Variants in NBEA observed in about 807,000 individuals in gnomAD.
NBEA encodes neurobeachin, also known as lysosomal-trafficking regulator 2.
NBEA carries 44 observed loss-of-function variants against 343.4 expected under a neutral mutation model. That is an observed-to-expected ratio of 0.13 (90% CI 0.10 to 0.16). NBEA has a LOEUF of 0.16. Ranked by LOEUF, NBEA falls within the 10% of genes least tolerant of loss-of-function variation. The pLI, the probability that NBEA is intolerant of heterozygous loss-of-function variation, is 1.00. For synonymous variants in NBEA, 1,175 were observed against 1,238.7 expected, an observed-to-expected ratio of 0.95 and a Z score of 1.08; for missense variants, 2,555 against 3,631.3, an observed-to-expected ratio of 0.70 and a Z score of 7.62.
chr13:35,220,794 C>T (rs976621482), intron 33 of NBEA, among the ~76,000 whole-genome samples: 3 of 152,158 alleles, frequency 2.0e-5, no homozygotes, highest in South Asian at 2.1e-4. Flanking sequence ...TAGCCATTAC[C>T]TCTTCAGGTA....
chr13:35,112,492 G>C lies in NBEA; in HGVS notation c.2002+1514G>C, dbSNP rs554681865. ...AGGAAACTGGAAGTTGGTACAAACC[G>C]AACAGCACCAAAATTTGAATCATAT... On this transcript the variant is annotated intron_variant, in intron 13 of 58. Coordinates refer to ENST00000379939, the MANE Select transcript of NBEA (RefSeq NM_001385012.1). Among the ~76,000 whole-genome samples, 8 of 152,118 alleles carry C rather than the reference G, an allele frequency of 5.3e-5. No individual in the cohort carries two copies. The East Asian group carries it at 1.5e-3, about 29-fold the overall frequency.
chr13:35,019,441 G>A (rs931065810), intron 1 of NBEA, among the ~76,000 whole-genome samples: 22 of 151,928 alleles, frequency 1.4e-4, no homozygotes, highest in Non-Finnish European at 2.9e-5. Context: ...GGGATTATAG[G>A]CGGACACCAC....
At chr13:35,289,999 A>G (rs971375239) in intron 34 of NBEA, among the ~76,000 whole-genome samples, 2 of 151,828 alleles carry the variant, frequency 1.3e-5, no homozygotes, top group Non-Finnish European at 2.9e-5. Context: ...TGCTCCAAGG[A>G]AACAACCATA....
intron 38 of NBEA, among the ~76,000 whole-genome samples, chr13:35,398,637 T>A (rs73502746): frequency 0.029 from 4,489 of 152,186 alleles, 187 homozygotes; most frequent in African/African-American, 0.086. Flanking sequence ...AAATCTTTTT[T>A]TCTGAGTAGT....
chr13:35,328,633 A>G (rs1000328284), intron 36 of NBEA, among the ~76,000 whole-genome samples: 1 of 151,964 alleles, frequency 6.6e-6, no homozygotes, highest in African/African-American at 2.4e-5. Flanking sequence ...TACCAACTAT[A>G]TACCCACAAA....
intron 39 of NBEA, among the ~76,000 whole-genome samples, chr13:35,448,888 G>A (rs1417648530): frequency 6.6e-6 from 1 of 152,178 alleles, no homozygotes; most frequent in Non-Finnish European, 1.5e-5. Flanking sequence ...CCTATACAGT[G>A]CAGTTGAATT....
chr13:35,341,764 C>T (rs2152857104), intron 36 of NBEA, among the ~76,000 whole-genome samples: 1 of 152,144 alleles, frequency 6.6e-6, no homozygotes, highest in Non-Finnish European at 1.5e-5. Context: ...GGAACCCTCA[C>T]ACTTTGTTGG....
chr13:35,599,158 C>G (rs2081939751), intron 47 of NBEA, among the ~76,000 whole-genome samples: 1 of 152,150 alleles, frequency 6.6e-6, no homozygotes, highest in Non-Finnish European at 1.5e-5. Context: ...TGCTGATCTT[C>G]CAGACCCCAC....
At chr13:35,018,764 G>A (rs1280927688) in intron 1 of NBEA, among the ~76,000 whole-genome samples, 1 of 152,088 alleles carries the variant, frequency 6.6e-6, no homozygotes, top group Non-Finnish European at 1.5e-5. Flanking sequence ...ATTTGGTTGA[G>A]CATCCATGAT....
chr13:35,478,527 T>G (rs2075982672), intron 41 of NBEA, among the ~76,000 whole-genome samples: 1 of 152,212 alleles, frequency 6.6e-6, no homozygotes, highest in South Asian at 2.1e-4. Flanking sequence ...GCCGCCTCTC[T>G]CTCGCTGCTC....
intron 31 of NBEA, among the ~76,000 whole-genome samples, chr13:35,199,471 G>C (rs1196632221): frequency 6.6e-6 from 1 of 152,020 alleles, no homozygotes; most frequent in Non-Finnish European, 1.5e-5. Flanking sequence ...AAACTCAGTT[G>C]GTCGCTTCTT....
intron 38 of NBEA, among the ~76,000 whole-genome samples, chr13:35,358,250 C>T (rs568625269): frequency 6.6e-6 from 1 of 150,532 alleles, no homozygotes; most frequent in African/African-American, 2.4e-5. Context: ...TCTTGAACTC[C>T]CGACCTCAAG....
chr13:35,126,123 G>T (rs892889537), intron 17 of NBEA, among the ~76,000 whole-genome samples: 1 of 152,184 alleles, frequency 6.6e-6, no homozygotes, highest in East Asian at 1.9e-4. Context: ...GGATCATGGG[G>T]GCAGTTCCCC....
At chr13:35,422,719 G>A (rs1051822901) in intron 38 of NBEA, among the ~76,000 whole-genome samples, 4 of 152,264 alleles carry the variant, frequency 2.6e-5, no homozygotes, top group Admixed American at 6.5e-5. Context: ...CTGAGGAATC[G>A]CCACACTGTC....
At chr13:35,553,692 T>TA (rs2079451188) in intron 43 of NBEA, among the ~76,000 whole-genome samples, 1 of 152,178 alleles carries the variant, frequency 6.6e-6, no homozygotes, top group African/African-American at 2.4e-5. Flanking sequence ...ATACTCATGT[T>TA]AATAATCCAT....
intron 10 of NBEA, among the ~76,000 whole-genome samples, chr13:35,092,301 G>A (rs941884215): frequency 6.6e-6 from 1 of 151,896 alleles, no homozygotes; most frequent in Non-Finnish European, 1.5e-5. Flanking sequence ...AAATTTATGG[G>A]ACTTAGGGTA....
chr13:35,226,296 G>A (rs931178482), intron 33 of NBEA, among the ~76,000 whole-genome samples: 6 of 152,010 alleles, frequency 3.9e-5, no homozygotes, highest in African/African-American at 4.8e-5. Context: ...CTCCTAATGA[G>A]GGGGCTTAAC....
In NBEA at chr13:34,989,191, C is replaced by T. The variant is rs913656304; in HGVS notation, c.294+46077C>T. Among the ~76,000 whole-genome samples, 2 of 150,970 alleles carry T rather than the reference C, an allele frequency of 1.3e-5. 1 individual carries two copies. The highest frequency in any genetic ancestry group is 4.2e-4 in the South Asian group (2 of 4,748). On this transcript the variant is annotated intron_variant, in intron 1 of 58. Coordinates refer to ENST00000379939, the MANE Select transcript of NBEA (RefSeq NM_001385012.1). ...GTTTCACTTAAAAAATAGAAATGTTCATCCTTACAATAATTAAAAGTCATT... is the reference window on the plus strand; with the variant it reads ...GTTTCACTTAAAAAATAGAAATGTTTATCCTTACAATAATTAAAAGTCATT...
chr13:35,055,025 A>G lies in NBEA; in HGVS notation c.973-985A>G, dbSNP rs2063201951. 2.0e-5 allele frequency among the ~76,000 whole-genome samples: 3 copies of G among 152,132 alleles called. No individual in the cohort carries two copies. The South Asian group carries it at 6.2e-4, about 31-fold the overall frequency. On this transcript the variant is annotated intron_variant, in intron 6 of 58. Coordinates refer to ENST00000379939, the MANE Select transcript of NBEA (RefSeq NM_001385012.1). Reference sequence around the variant, plus strand: ...GATACCTTGAAATAACTAATATTTTAGTGATTAAGGATTATTGTAACTTTT... The same window carrying G: ...GATACCTTGAAATAACTAATATTTTGGTGATTAAGGATTATTGTAACTTTT...
Sources: gnomAD v4.1 joint callset for allele counts (sites outside exome capture counted in the v4.1 genomes callset) on GRCh38, gnomAD v4.1.1 for gene constraint, MANE v1.5 for transcripts, NCBI Gene and HGNC (gene_info 2026-07-23, HGNC 2026-07-21) for gene names.